ADGRL3: variants seen among roughly 807,000 people sequenced by gnomAD.
ADGRL3 encodes calcium-independent alpha-latrotoxin receptor 3.
Under a neutral mutation model 153.5 loss-of-function variants are expected in ADGRL3, and 62 were observed. The ratio of observed to expected loss-of-function variants is 0.40; its 90% CI spans 0.33 to 0.50. ADGRL3 has a LOEUF of 0.50. Among genes scored for constraint, ADGRL3 ranks in the 20% least tolerant of loss-of-function variants. The pLI, the probability that ADGRL3 is intolerant of heterozygous loss-of-function variation, is 0.47. For missense variants in ADGRL3, 1,641 were observed against 1,859.4 expected (o/e 0.88, Z 2.16); for synonymous variants, 710 against 672.5 (o/e 1.06, Z -0.86).
intron 4 of ADGRL3, among the ~76,000 whole-genome samples, chr4:61,529,815 T>G (rs1362420286): frequency 1.3e-5 from 2 of 152,140 alleles, no homozygotes; most frequent in African/African-American, 4.8e-5. Flanking sequence ...AAGTTTTAAT[T>G]GACACTTGGG....
intron 18 of ADGRL3, among the ~76,000 whole-genome samples, chr4:61,981,903 T>G (rs1261170717): frequency 2.0e-5 from 3 of 152,198 alleles, no homozygotes; most frequent in African/African-American, 7.2e-5. Flanking sequence ...TTATGGTGAT[T>G]ATATTTTTAA....
chr4:61,218,526 G>A (rs1743935433), intron 1 of ADGRL3, among the ~76,000 whole-genome samples: 1 of 151,828 alleles, frequency 6.6e-6, no homozygotes, highest in African/African-American at 2.4e-5. Context: ...ACGAGATCTT[G>A]CTTAGTTGCC....
At chr4:61,704,418 G>T (rs1430949181) in intron 6 of ADGRL3, among the ~76,000 whole-genome samples, 1 of 152,096 alleles carries the variant, frequency 6.6e-6, no homozygotes, top group African/African-American at 2.4e-5. Context: ...TGGTATTTAT[G>T]TCTAAAAAAT....
chr4:61,719,893 G>A (rs920957547), intron 6 of ADGRL3, among the ~76,000 whole-genome samples: 21 of 151,774 alleles, frequency 1.4e-4, no homozygotes, highest in African/African-American at 4.6e-4. Context: ...CTGAGCCACC[G>A]CTCCCGCCCC....
intron 1 of ADGRL3, among the ~76,000 whole-genome samples, chr4:61,254,188 G>C (rs1340491702): frequency 6.6e-6 from 1 of 152,042 alleles, no homozygotes; most frequent in African/African-American, 2.4e-5. Context: ...GTTAAGTCAA[G>C]GTGAAAAAGC....
intron 25 of ADGRL3, among the ~76,000 whole-genome samples, chr4:62,058,214 G>A (rs1738091491): frequency 6.6e-6 from 1 of 151,294 alleles, no homozygotes; most frequent in African/African-American, 2.5e-5. Flanking sequence ...GTTTTCTGTT[G>A]TTATCCGCAG....
intron 9 of ADGRL3, among the ~76,000 whole-genome samples, chr4:61,852,288 A>T (rs1581149187): frequency 7.0e-6 from 1 of 142,152 alleles, no homozygotes; most frequent in African/African-American, 2.6e-5. Context: ...TTTTATTTTA[A>T]TTTTATTTTA....
intron 1 of ADGRL3, among the ~76,000 whole-genome samples, chr4:61,206,069 T>G (rs151041966): frequency 1.1e-4 from 17 of 152,274 alleles, no homozygotes; most frequent in African/African-American, 2.9e-4. Flanking sequence ...TTTATTTATT[T>G]TGAGGGGTGG....
intron 2 of ADGRL3, among the ~76,000 whole-genome samples, chr4:61,477,096 T>C (rs2098072816): frequency 6.6e-6 from 1 of 152,164 alleles, no homozygotes; most frequent in Non-Finnish European, 1.5e-5. Context: ...AAAAAAAGAT[T>C]CATAGCTTTT....
At chr4:61,415,301 A>C (rs1194814133) in intron 2 of ADGRL3, among the ~76,000 whole-genome samples, 1 of 152,012 alleles carries the variant, frequency 6.6e-6, no homozygotes, top group African/African-American at 2.4e-5. Flanking sequence ...ATTATTGAAA[A>C]ATATTATTTA....
At chr4:61,906,966 C>A (rs1276154715) in intron 11 of ADGRL3, among the ~76,000 whole-genome samples, 1 of 152,070 alleles carries the variant, frequency 6.6e-6, no homozygotes, top group Non-Finnish European at 1.5e-5. Flanking sequence ...GAATAGCTTT[C>A]TCTTTATGTT....
At chr4:62,031,263 C>G (rs924618817) in intron 22 of ADGRL3, among the ~76,000 whole-genome samples, 179 bp from the exon 23 acceptor site, 1 of 151,532 alleles carries the variant, frequency 6.6e-6, no homozygotes, top group Non-Finnish European at 1.5e-5. Flanking sequence ...TATATATCTC[C>G]TCAAGCTTGA....
intron 5 of ADGRL3, among the ~76,000 whole-genome samples, chr4:61,667,552 G>T (rs528824333): frequency 6.6e-5 from 10 of 152,230 alleles, no homozygotes; most frequent in Middle Eastern, 3.4e-3. Context: ...TAAATCAGTG[G>T]ATTTGGTTAA....
chr4:61,809,453 C>A (rs1032955376), intron 8 of ADGRL3, among the ~76,000 whole-genome samples: 1 of 151,992 alleles, frequency 6.6e-6, no homozygotes, highest in African/African-American at 2.4e-5. Context: ...AGGTTTGAGC[C>A]TTTACCTATG....
chr4:61,786,646 G>A (rs185411524), intron 8 of ADGRL3, among the ~76,000 whole-genome samples: 1 of 152,200 alleles, frequency 6.6e-6, no homozygotes, highest in East Asian at 1.9e-4. Context: ...TGTCTGAATA[G>A]GACATCATAT....
chr4:61,599,697 T>C (rs1190937714), intron 5 of ADGRL3, among the ~76,000 whole-genome samples: 1 of 152,102 alleles, frequency 6.6e-6, no homozygotes, highest in African/African-American at 2.4e-5. Flanking sequence ...GTAATTATTT[T>C]AGGTATTATG....
chr4:61,527,852 C>T (rs1268082535), intron 4 of ADGRL3, among the ~76,000 whole-genome samples: 1 of 152,126 alleles, frequency 6.6e-6, no homozygotes, highest in African/African-American at 2.4e-5. Context: ...TTAAAACCCT[C>T]TCATTGACTG....
At chr4:61,803,765 C>T (rs1275970307) in intron 8 of ADGRL3, among the ~76,000 whole-genome samples, 3 of 152,002 alleles carry the variant, frequency 2.0e-5, no homozygotes, top group African/African-American at 7.3e-5. Context: ...GTCTAATACA[C>T]AGTATCTTAA....
intron 1 of ADGRL3, among the ~76,000 whole-genome samples, chr4:61,371,694 G>T (rs1316891357): frequency 4.4e-4 from 67 of 152,132 alleles, no homozygotes; most frequent in Admixed American, 1.2e-3. Flanking sequence ...TTGGTGAATT[G>T]GACAATTATG....
Sources: allele counts gnomAD v4.1 joint callset (sites outside exome capture counted in the v4.1 genomes callset), GRCh38; gene constraint gnomAD v4.1.1; transcripts MANE v1.5; gene names NCBI Gene and HGNC (gene_info 2026-07-23, HGNC 2026-07-21).